The following GYS1 variants were observed in gnomAD, a reference collection of about 807,000 sequenced individuals.
The protein encoded by GYS1 is glycogen [starch] synthase, muscle.
GYS1 carries 60 observed loss-of-function variants against 89.1 expected under a neutral mutation model. The observed-to-expected ratio is 0.67, with a 90% CI of 0.55 to 0.84. The LOEUF (loss-of-function observed/expected upper bound fraction) is 0.84, where lower values mean the gene tolerates loss of function less well. Among genes scored for constraint, GYS1 ranks in the 40% least tolerant of loss-of-function variants. The pLI is 0.00. For synonymous variants in GYS1, 366 were observed against 401.7 expected (o/e 0.91, Z 1.06); for missense variants, 888 against 1,003.1 (o/e 0.89, Z 1.55).
chr19:48,978,090 G>A lies in GYS1; in HGVS notation c.1229+8C>T, dbSNP rs879040464. 2 of 1,612,438 alleles carry A rather than the reference G, an allele frequency of 1.2e-6. No homozygotes were observed. Among genetic ancestry groups the A allele is most frequent in the Non-Finnish European group, 1.7e-6 (2 of 1,178,480 alleles). On this transcript the variant is annotated splice_region_variant and intron_variant, in intron 9 of 15. Coordinates refer to ENST00000323798, the MANE Select transcript of GYS1 (RefSeq NM_002103.5). ...AGGAGGGCACAGGGCTGAGGGTGGG[G>A]CACTCACACCAGTAAGGATTCATAA...
At chr19:48,987,502 C>T (rs780849941) in intron 2 of GYS1, 117 bp from the exon 3 acceptor site, 25 of 727,252 alleles carry the variant, frequency 3.4e-5, no homozygotes, top group Non-Finnish European at 1.1e-5. Context: ...CCTCAGCTCT[C>T]TTATCTTCTG....
chr19:48,977,861 T>C, intron 10 of GYS1, 63 bp downstream of exon 10: 1 of 1,283,136 alleles, frequency 7.8e-7, no homozygotes, highest in Non-Finnish European at 1.1e-6. Context: ...TGAGCTGGCC[T>C]GGCAAGCTGC....
intron 10 of GYS1, among the ~76,000 whole-genome samples, chr19:48,976,679 G>A (rs1196550582): frequency 1.3e-5 from 2 of 152,156 alleles, no homozygotes; most frequent in African/African-American, 4.8e-5. Flanking sequence ...GGGTAGAGGT[G>A]GAGCCGTGTG....
Position 48,991,861 on chromosome 19 carries a change from C to T in GYS1, c.119-378G>A, listed in dbSNP as rs2038936121. 2.6e-5 allele frequency among the ~76,000 whole-genome samples: 4 copies of T among 151,992 alleles called. No individual in the cohort carries two copies. The highest frequency in any genetic ancestry group is 1.3e-4 in the Admixed American group (2 of 15,266). On this transcript the variant is annotated intron_variant, in intron 1 of 15. Coordinates refer to ENST00000323798, the MANE Select transcript of GYS1 (RefSeq NM_002103.5). This position sits in a 1 kb window ranked among gnomAD's most constrained non-coding sequence, Gnocchi z 4.7. Reference sequence around the variant, plus strand: ...GACTGACTACCCGGACTCAGGTTCCCGAGTTCCCAGCTCACAGGAGCTGGG... The same window carrying T: ...GACTGACTACCCGGACTCAGGTTCCTGAGTTCCCAGCTCACAGGAGCTGGG...
Position 48,969,875 on chromosome 19 carries a change from G to T in GYS1, c.1810-20C>A, listed in dbSNP as rs777713893. 5 of 1,585,324 alleles carry T rather than the reference G, an allele frequency of 3.2e-6. No homozygotes were observed. Among genetic ancestry groups the T allele is most frequent in the Admixed American group, 1.7e-5 (1 of 59,978 alleles). On this transcript the variant is annotated intron_variant, in intron 14 of 15. Coordinates refer to ENST00000323798, the MANE Select transcript of GYS1 (RefSeq NM_002103.5). ...ATAGTACTAGGGGAAAGGAGGAGAG[G>T]GGGCAGAGGATGTGAGAGCCAGGCC...
rs1008232548 is a variant in GYS1 at position 48,986,030 on chromosome 19, C to T, written c.498G>A (p.Leu166=). ...CATGTGGCTTCTCCTCACTCTGTGC[C>T]AGGAACTGTGGGCAACAGGGACAGG... is the stretch of plus-strand genomic sequence containing the variant. ...FLTTWFLGEF[L]AQSEEKPHVV... Residue 166 remains leucine (L), a synonymous_variant, in exon 4 of 16, where the codon CTG becomes CTA. Coordinates refer to ENST00000323798, the MANE Select transcript of GYS1 (RefSeq NM_002103.5). The T allele has an allele frequency of 4.3e-6, 7 of 1,613,918 alleles. No individual in the cohort carries two copies. The highest frequency in any genetic ancestry group is 3.3e-5 in the Admixed American group (2 of 60,002).
intron 11 of GYS1, 138 bp from the exon 12 acceptor site, chr19:48,974,477 G>T: frequency 1.8e-6 from 2 of 1,122,280 alleles, no homozygotes; most frequent in Non-Finnish European, 2.7e-6. Context: ...TCAAACCCAG[G>T]TCTGCCTGCC....
At chr19:48,980,283 C>A (rs550274674) in intron 8 of GYS1, among the ~76,000 whole-genome samples, 2 of 152,184 alleles carry the variant, frequency 1.3e-5, no homozygotes, top group Non-Finnish European at 2.9e-5. Flanking sequence ...CTGACAACCC[C>A]GTCTCATATT....
intron 12 of GYS1, among the ~76,000 whole-genome samples, chr19:48,971,510 A>C (rs992458288): frequency 2.3e-4 from 35 of 151,894 alleles, no homozygotes; most frequent in African/African-American, 7.0e-4. Context: ...CAACCTTGAG[A>C]AATAGTTCAA....
intron 9 of GYS1, 28 bp downstream of exon 9, chr19:48,978,070 G>C: frequency 6.2e-7 from 1 of 1,610,874 alleles, no homozygotes; most frequent in Non-Finnish European, 8.5e-7. Context: ...GGCCTAGGAG[G>C]GCACAGGGCT....
At chr19:48,980,806 C>T (rs2038748551) in intron 8 of GYS1, among the ~76,000 whole-genome samples, 1 of 152,040 alleles carries the variant, frequency 6.6e-6, no homozygotes, top group Admixed American at 6.6e-5. Context: ...ATGGTGAAAC[C>T]CCATCTCTAC....
chr19:48,984,126 G>A (rs1464059158), intron 5 of GYS1, among the ~76,000 whole-genome samples: 6 of 151,950 alleles, frequency 3.9e-5, no homozygotes, highest in Non-Finnish European at 5.9e-5. Flanking sequence ...AGCCTCCCGA[G>A]TAGCTGGGTG....
At chr19:48,969,708 G>A in intron 15 of GYS1, 67 bp downstream of exon 15, 1 of 1,579,444 alleles carries the variant, frequency 6.3e-7, no homozygotes, top group Non-Finnish European at 8.7e-7. Flanking sequence ...ACTCCAGGAG[G>A]GACCCCCACC....
rs2038491698 is a variant in GYS1, at chr19:48,968,290, G to A, written c.*998C>T. ...CAAAGCTGAAGGCAGGGCACAGTTTGGGGATGGAAGAGCCTCGAGGTAAAT... is the reference window on the plus strand; with the variant it reads ...CAAAGCTGAAGGCAGGGCACAGTTTAGGGATGGAAGAGCCTCGAGGTAAAT... On this transcript the variant is annotated 3_prime_UTR_variant, in exon 16 of 16. Transcript: ENST00000323798. 2.2e-6 allele frequency: 1 copy of A among 454,344 alleles called. No homozygotes were observed. The highest frequency in any genetic ancestry group is 2.3e-5 in the Admixed American group (1 of 42,560). 28.1% of individuals were successfully genotyped at this position (454,344 alleles called of 1,614,324 possible).
At position 48,970,752 on chromosome 19, in the gene GYS1, ATCT is replaced by A. The variant is rs144530380; in HGVS notation, c.1646-46_1646-44del. The A allele has an allele frequency of 1.1e-4, 179 of 1,590,624 alleles. 1 individual carries two copies. The highest frequency in any genetic ancestry group is 1.5e-4 in the Non-Finnish European group (174 of 1,159,876). On this transcript the variant is annotated intron_variant, in intron 13 of 15. Coordinates refer to ENST00000323798, the MANE Select transcript of GYS1 (RefSeq NM_002103.5). The stretch of plus-strand genomic sequence containing the variant: ...CAGGTTCAGAAAACATCCTGGGGAG[ATCT>A]TCATGGTCTCCAGGACTCTGTGGCA...
At chr19:48,978,571 G>C (rs540574972) in intron 8 of GYS1, among the ~76,000 whole-genome samples, 2 of 143,396 alleles carry the variant, frequency 1.4e-5, no homozygotes, top group African/African-American at 2.7e-5. Context: ...TTACTCTGTC[G>C]TCCAGGCTGG....
At chr19:48,989,998 TGGG>T (rs998261396) in intron 2 of GYS1, among the ~76,000 whole-genome samples, 2 of 49,632 alleles carry the variant, frequency 4.0e-5, no homozygotes, top group African/African-American at 1.0e-4. Context: ...GCCCTTTTGC[TGGG>T]GGGGGGGGGG....
chr19:48,980,157 G>GTC (rs2038736518), intron 8 of GYS1, among the ~76,000 whole-genome samples: 1 of 152,030 alleles, frequency 6.6e-6, no homozygotes, highest in Non-Finnish European at 1.5e-5. Context: ...TCCCCACCGC[G>GTC]TCTCAATCAT....
chr19:48,989,999 G>T (rs1208881159), intron 2 of GYS1, among the ~76,000 whole-genome samples: 2 of 20,826 alleles, frequency 9.6e-5, no homozygotes, highest in Admixed American at 1.1e-3. Flanking sequence ...CCCTTTTGCT[G>T]GGGGGGGGGG....
Sources: allele counts gnomAD v4.1 joint callset (sites outside exome capture counted in the v4.1 genomes callset), GRCh38; gene constraint gnomAD v4.1.1; non-coding constraint Gnocchi (gnomAD v3.1); transcripts MANE v1.5; gene names NCBI Gene and HGNC (gene_info 2026-07-23, HGNC 2026-07-21).